Variants in ZNF236 observed in about 807,000 individuals in gnomAD.
ZNF236 encodes the protein regulated by glucose.
In ZNF236, 50 loss-of-function variants were observed where a neutral mutation model predicts 191.2. The ratio of observed to expected loss-of-function variants is 0.26; its 90% CI spans 0.21 to 0.33. The LOEUF (loss-of-function observed/expected upper bound fraction) is 0.33. Ranked by LOEUF, ZNF236 falls within the 10% of genes least tolerant of loss-of-function variation. The pLI, the probability that ZNF236 is intolerant of heterozygous loss-of-function variation, is 1.00. For missense variants in ZNF236, 1,754 were observed against 2,374.5 expected, an observed-to-expected ratio of 0.74 and a Z score of 5.43; for synonymous variants, 907 against 928.8, an observed-to-expected ratio of 0.98 and a Z score of 0.43.
intron 4 of ZNF236, 81 bp downstream of exon 4, chr18:76,868,944 A>G (rs755897219): frequency 6.3e-5 from 88 of 1,401,240 alleles, no homozygotes; most frequent in Non-Finnish European, 7.4e-5. Flanking sequence ...CCCACTGGAA[A>G]TATTTGCTGC....
At chr18:76,962,886 G>C (rs145994369) in intron 30 of ZNF236, among the ~76,000 whole-genome samples, 142 of 152,240 alleles carry the variant, frequency 9.3e-4, no homozygotes, top group Admixed American at 2.0e-3. Flanking sequence ...CTTGGTTGCT[G>C]TTGGTGTATA....
At chr18:76,904,195 A>G (rs185187203) in intron 11 of ZNF236, among the ~76,000 whole-genome samples, 185 bp from the exon 12 acceptor site, 1 of 151,940 alleles carries the variant, frequency 6.6e-6, no homozygotes, top group African/African-American at 2.4e-5. Flanking sequence ...ATATTAATTT[A>G]TAATGTTTCC....
At position 76,875,134 on chromosome 18, in the gene ZNF236, C is replaced by T. The variant is rs1030395139; in HGVS notation, c.668-358C>T. On this transcript the variant is annotated intron_variant, in intron 5 of 30. Coordinates refer to ENST00000320610, the MANE Select transcript of ZNF236 (RefSeq NM_001306089.2). The surrounding 1 kb of genome is among the most constrained non-coding windows in gnomAD (Gnocchi z 4.3). ...TGGTGGTTGTGGACGGGAAGCAGGG[C>T]TGCTCTGGGTGTATTTTGAAGTTAT... 3.3e-5 allele frequency among the ~76,000 whole-genome samples: 5 copies of T among 152,060 alleles called. No homozygotes were observed. Among genetic ancestry groups the T allele is most frequent in the Non-Finnish European group, 4.4e-5 (3 of 68,006 alleles).
intron 22 of ZNF236, among the ~76,000 whole-genome samples, chr18:76,926,791 G>GGGCCGGGTGTGGTGGCTCATGCCTGTA (rs1435418032): frequency 6.8e-6 from 1 of 147,776 alleles, no homozygotes; most frequent in African/African-American, 2.5e-5. Flanking sequence ...AGGGTGATTA[G>GGGCCGGGTGTGGTGGCTCATGCCTGTA]ACAGTGTGTG....
Position 76,915,772 on chromosome 18 carries a change from C to G in ZNF236, c.3187C>G (p.Arg1063Gly). The G allele has an allele frequency of 6.2e-7, 1 of 1,614,120 alleles. No individual in the cohort carries two copies. Among genetic ancestry groups the G allele is most frequent in the Non-Finnish European group, 8.5e-7 (1 of 1,180,026 alleles). The change falls in exon 19 of 31, where the codon CGA (arginine) becomes GGA (glycine). Residue 1063 changes from arginine (R) to glycine (G), a missense_variant. By Grantham distance (125) the Arg-to-Gly change is moderately radical (BLOSUM62 -2). This residue lies in a region of ZNF236 where 641 missense variants were observed against 869.6 expected (regional missense o/e 0.74). Coordinates refer to ENST00000320610, the MANE Select transcript of ZNF236 (RefSeq NM_001306089.2). ...GTGTCCGTTTTGTGAGGAGGGTTTC[C>G]GAACTACAGTGCATTGTAAAAAGCA... ...YKCPFCEEGF[R>G]TTVHCKKHMK...
At chr18:76,913,166 G>A (rs534212947) in intron 17 of ZNF236, among the ~76,000 whole-genome samples, 1 of 152,282 alleles carries the variant, frequency 6.6e-6, no homozygotes, top group African/African-American at 2.4e-5. Flanking sequence ...TATGTGAGTA[G>A]GAGTTTTGAA....
chr18:76,923,634 G>A (rs1233947094), intron 21 of ZNF236, among the ~76,000 whole-genome samples: 1 of 152,088 alleles, frequency 6.6e-6, no homozygotes, highest in Non-Finnish European at 1.5e-5. Context: ...CATCTTGTCT[G>A]TGCCTTTGCT....
intron 1 of ZNF236, among the ~76,000 whole-genome samples, chr18:76,828,989 G>A (rs1175890464): frequency 6.6e-6 from 1 of 152,196 alleles, no homozygotes; most frequent in Non-Finnish European, 1.5e-5. Context: ...AGTGTGATTA[G>A]ATAACCTCTA....
chr18:76,919,862 G>A lies in ZNF236; in HGVS notation c.3361G>A (p.Glu1121Lys). Residue 1121 changes from glutamate (E) to lysine (K), a missense_variant, in exon 20 of 31, where the codon GAG (glutamate) becomes AAG (lysine). Transcript: ENST00000320610. The surrounding 1 kb of genome is among the most constrained non-coding windows in gnomAD (Gnocchi z 5.3). ...TGAGGTCATCACTTTCACGGAGGAG[G>A]AGACAGCCCAGTTAGCCAAGATCCG... is the stretch of plus-strand genomic sequence containing the variant. ...RPEVITFTEE[E>K]TAQLAKIRPQ... The A allele has an allele frequency of 6.2e-7, 1 of 1,614,214 alleles. No homozygotes were observed. Among genetic ancestry groups the A allele is most frequent in the Non-Finnish European group, 8.5e-7 (1 of 1,180,042 alleles).
At chr18:76,837,443 T>C (rs574738661) in intron 1 of ZNF236, among the ~76,000 whole-genome samples, 184 of 142,832 alleles carry the variant, frequency 1.3e-3, no homozygotes, top group African/African-American at 3.4e-3. Flanking sequence ...TTTTCTTTTT[T>C]TTTTTTTTTT....
Position 76,925,045 on chromosome 18 carries a change from A to G in ZNF236, c.3662-144A>G. The G allele has an allele frequency of 4.7e-6, 6 of 1,265,582 alleles. No homozygotes were observed. The highest frequency in any genetic ancestry group is 6.5e-6 in the Non-Finnish European group (6 of 919,856). The allele number at this position is 1,265,582 out of a possible 1,614,324, so 78.4% of individuals were successfully genotyped here. Reference sequence around the variant, plus strand: ...AGCAATTGCCTGTGACGTCCGTAACATCTTATAGGTGAAAGGGATTCTCAT... The same window carrying G: ...AGCAATTGCCTGTGACGTCCGTAACGTCTTATAGGTGAAAGGGATTCTCAT... On this transcript the variant is annotated intron_variant, in intron 21 of 30. Transcript: ENST00000320610. The surrounding 1 kb of genome is among the most constrained non-coding windows in gnomAD (Gnocchi z 5.7).
chr18:76,939,794 C>T (rs540525056), intron 26 of ZNF236, among the ~76,000 whole-genome samples: 265 of 151,360 alleles, frequency 1.8e-3, no homozygotes, highest in African/African-American at 4.6e-3. Flanking sequence ...ACACGGTGGG[C>T]GACCCTAGCA....
chr18:76,840,216 C>T (rs549703069), intron 1 of ZNF236, among the ~76,000 whole-genome samples: 12 of 152,270 alleles, frequency 7.9e-5, no homozygotes, highest in South Asian at 6.2e-4. Context: ...GGAGACCGGC[C>T]GGGTGCGGTG....
chr18:76,876,928 C>G (rs867415521), intron 6 of ZNF236, among the ~76,000 whole-genome samples: 3 of 152,110 alleles, frequency 2.0e-5, no homozygotes, highest in African/African-American at 7.2e-5. Flanking sequence ...CGGACCTGCA[C>G]TAGAATGGGT....
intron 1 of ZNF236, among the ~76,000 whole-genome samples, chr18:76,844,273 T>A (rs960951204): frequency 7.3e-6 from 1 of 137,024 alleles, no homozygotes; most frequent in Non-Finnish European, 1.6e-5. Flanking sequence ...AGAGAAAGGG[T>A]GGTAGAGATG....
rs530219623 is a variant in ZNF236 at position 76,948,677 on chromosome 18, T to C, written c.4914+1025T>C. ...GACACTGCTGATTCTCCCAGGAAAG[T>C]TGTGTGACACCGCCTGCCAAGTGTC... On this transcript the variant is annotated intron_variant, in intron 27 of 30. Transcript: ENST00000320610. 2.0e-4 allele frequency among the ~76,000 whole-genome samples: 30 copies of C among 152,290 alleles called. 1 individual carries two copies. The highest frequency in any genetic ancestry group is 1.9e-3 in the Admixed American group (29 of 15,298).
In ZNF236 at chr18:76,908,653, G is replaced by A. The variant is rs530258398; in HGVS notation, c.2551+80G>A. On this transcript the variant is annotated intron_variant, in intron 14 of 30. Transcript: ENST00000320610. ...TTCCCACTCATTGCAGTCCATTGGT[G>A]TCTCCCATCACTGACTTTTAAAACA... 2.8e-5 allele frequency: 43 copies of A among 1,514,164 alleles called. No homozygotes were observed. The Admixed American group carries it at 3.5e-4, about 12-fold the overall frequency. The allele number at this position is 1,514,164 out of a possible 1,614,324, so 93.8% of individuals were successfully genotyped here. A position where few individuals can be genotyped will look rare whatever the true frequency, so the allele number is the denominator to read the frequency against.
intron 27 of ZNF236, among the ~76,000 whole-genome samples, chr18:76,953,778 A>T (rs1339398365): frequency 6.6e-6 from 1 of 152,102 alleles, no homozygotes; most frequent in East Asian, 1.9e-4. Context: ...AGTTCAGCAA[A>T]CATTTAAGTT....
At chr18:76,900,523 A>C (rs1433315240) in intron 11 of ZNF236, among the ~76,000 whole-genome samples, 1 of 152,242 alleles carries the variant, frequency 6.6e-6, no homozygotes, top group Admixed American at 6.5e-5. Context: ...ATAAATTTTC[A>C]GAAGTTGATT....
Sources: allele counts gnomAD v4.1 joint callset (sites outside exome capture counted in the v4.1 genomes callset), GRCh38; gene constraint gnomAD v4.1.1; regional missense constraint gnomAD v4.1.1; non-coding constraint Gnocchi (gnomAD v3.1); transcripts MANE v1.5; gene names NCBI Gene and HGNC (gene_info 2026-07-23, HGNC 2026-07-21).